The following ALDH5A1 variants were observed in gnomAD, a reference collection of about 807,000 sequenced individuals.
ALDH5A1 encodes aldehyde dehydrogenase 5 family member A1.
ALDH5A1 carries 33 observed loss-of-function variants against 54.7 expected under a neutral mutation model. The observed-to-expected ratio is 0.60, with a 90% confidence interval of 0.46 to 0.81. The LOEUF (loss-of-function observed/expected upper bound fraction) is 0.81. Ranked by LOEUF, ALDH5A1 falls within the 30% of genes least tolerant of loss-of-function variation. The probability of loss-of-function intolerance (pLI) is 0.00; values close to 1 mark genes in which losing one functional copy is unlikely to be tolerated. For synonymous variants in ALDH5A1, 294 were observed against 292.7 expected (o/e 1.00, Z -0.05); for missense variants, 657 against 711.0 (o/e 0.92, Z 0.86).
rs1049734403 is a variant in ALDH5A1 at position 24,506,213 on chromosome 6, T to C, written c.726+1228T>C. ...GAGTTTTTACTTAATTTATTTTATATTATATCTGCACCTCCTTCTTTCCTG... is the reference window on the plus strand; with the variant it reads ...GAGTTTTTACTTAATTTATTTTATACTATATCTGCACCTCCTTCTTTCCTG... On this transcript the variant is annotated intron_variant, in intron 4 of 9. Transcript: ENST00000357578. 4.0e-5 allele frequency among the ~76,000 whole-genome samples: 6 copies of C among 149,840 alleles called. No homozygotes were observed. In the South Asian group the frequency reaches 6.4e-4, roughly 16 times the overall value.
chr6:24,522,731 A>G lies in ALDH5A1; in HGVS notation c.1015-36A>G, dbSNP rs375040398. 15 of 1,612,176 alleles carry G rather than the reference A, an allele frequency of 9.3e-6. No homozygotes were observed. The African/African-American group carries it at 1.9e-4, about 20-fold the overall frequency. On this transcript the variant is annotated intron_variant, in intron 6 of 9. Transcript: ENST00000357578. The stretch of plus-strand genomic sequence containing the variant: ...TCACTGGTCAGGTCTGCAGCTTCTG[A>G]CAGACTGTGTGGGTTTGTTTTTGTC...
chr6:24,519,595 A>G (rs1759635653), intron 5 of ALDH5A1, among the ~76,000 whole-genome samples: 1 of 152,074 alleles, frequency 6.6e-6, no homozygotes, highest in South Asian at 2.1e-4. Context: ...TTCTAGAAAC[A>G]TATGTGCTGA....
At chr6:24,513,521 C>G (rs553594280) in intron 4 of ALDH5A1, among the ~76,000 whole-genome samples, 126 of 152,312 alleles carry the variant, frequency 8.3e-4, no homozygotes, top group African/African-American at 2.8e-3. Flanking sequence ...CCTTGTGTAT[C>G]GTGTTCAAAG....
chr6:24,514,019 T>G (rs937488333), intron 4 of ALDH5A1, among the ~76,000 whole-genome samples: 1 of 152,236 alleles, frequency 6.6e-6, no homozygotes, highest in African/African-American at 2.4e-5. Context: ...ACTCACAAAC[T>G]CATCTTCCCA....
chr6:24,498,055 G>A lies in ALDH5A1; in HGVS notation c.354+2705G>A, dbSNP rs1764747565. On this transcript the variant is annotated intron_variant, in intron 1 of 9. Transcript: ENST00000357578. ...GAAGGTAGAGCCCACTGGATTTTCT[G>A]ATGGATCATTATATAGAAAGTAGGT... 2.0e-5 allele frequency among the ~76,000 whole-genome samples: 3 copies of A among 152,164 alleles called. No homozygotes were observed. The South Asian group carries it at 6.2e-4, about 31-fold the overall frequency.
intron 4 of ALDH5A1, among the ~76,000 whole-genome samples, chr6:24,510,070 A>C (rs999254054): frequency 6.6e-6 from 1 of 152,160 alleles, no homozygotes; most frequent in African/African-American, 2.4e-5. Context: ...CCTAATGATC[A>C]TTCAGGAGCA....
rs758087862 is a variant in ALDH5A1 at position 24,502,565 on chromosome 6, C to T, written c.397C>T (p.Gln133Ter). ...LLRKWYNLMI[Q>*]NKDDLARIIT... is the part of the protein sequence containing the mutation. Reference sequence around the variant, plus strand: ...TCGGAAGTGGTACAATTTAATGATACAAAATAAGGATGACCTTGCCAGAAT... The same window carrying T: ...TCGGAAGTGGTACAATTTAATGATATAAAATAAGGATGACCTTGCCAGAAT... The change falls in exon 2 of 10, where the codon CAA becomes TAA. Residue 133 changes from glutamine (Q) to a stop codon, truncating the protein, a stop_gained. Transcript: ENST00000357578. LOFTEE classifies it high-confidence loss of function. The T allele has an allele frequency of 6.2e-6, 10 of 1,613,704 alleles. No individual in the cohort carries two copies. The highest frequency in any genetic ancestry group is 6.8e-6 in the Non-Finnish European group (8 of 1,179,694).
intron 4 of ALDH5A1, among the ~76,000 whole-genome samples, chr6:24,510,433 C>G (rs1163180584): frequency 2.0e-5 from 3 of 151,902 alleles, no homozygotes; most frequent in East Asian, 3.9e-4. Context: ...GTGTTGCTGT[C>G]TATCTCATTT....
rs927806328 is a variant in ALDH5A1, at chr6:24,533,733, A to C, written c.*21A>C. 7.5e-6 allele frequency: 12 copies of C among 1,609,728 alleles called. No individual in the cohort carries two copies. Among genetic ancestry groups the C allele is most frequent in the Non-Finnish European group, 1.0e-5 (12 of 1,176,620 alleles). On this transcript the variant is annotated 3_prime_UTR_variant, in exon 10 of 10. Transcript: ENST00000357578. Reference sequence around the variant, plus strand: ...TGTAGGATTCTTTGGTTCTTTAAAAAAATTTAAAAGGAGACTTATCTACAT... The same window carrying C: ...TGTAGGATTCTTTGGTTCTTTAAAACAATTTAAAAGGAGACTTATCTACAT...
intron 4 of ALDH5A1, among the ~76,000 whole-genome samples, chr6:24,513,792 T>A (rs919953883): frequency 1.3e-5 from 2 of 150,000 alleles, no homozygotes; most frequent in Admixed American, 6.6e-5. Flanking sequence ...TGTTATTGGG[T>A]ATACCACACG....
intron 6 of ALDH5A1, 143 bp from the exon 7 acceptor site, chr6:24,522,624 C>G (rs754226867): frequency 4.2e-6 from 4 of 944,944 alleles, no homozygotes; most frequent in Non-Finnish European, 6.7e-6. Flanking sequence ...GCCAAGCCCA[C>G]GTGAGGAGGA....
intron 1 of ALDH5A1, among the ~76,000 whole-genome samples, chr6:24,495,903 T>G (rs555179942): frequency 6.6e-6 from 1 of 152,036 alleles, no homozygotes; most frequent in African/African-American, 2.4e-5. Flanking sequence ...GTTCTCCAGG[T>G]TTTCACCCTA....
At chr6:24,498,362 GA>G (rs1414314321) in intron 1 of ALDH5A1, among the ~76,000 whole-genome samples, 1 of 152,164 alleles carries the variant, frequency 6.6e-6, no homozygotes, top group Non-Finnish European at 1.5e-5. Flanking sequence ...GAGATCACAG[GA>G]AAGGAGTGGA....
chr6:24,515,511 G>C (rs894690237), intron 5 of ALDH5A1, among the ~76,000 whole-genome samples: 4 of 152,122 alleles, frequency 2.6e-5, no homozygotes, highest in African/African-American at 9.7e-5. Context: ...GATCACTTGA[G>C]GCCAGGAGTT....
chr6:24,520,633 A>C (rs1332222203), intron 6 of ALDH5A1, 89 bp downstream of exon 6: 1 of 1,458,062 alleles, frequency 6.9e-7, no homozygotes, highest in South Asian at 1.2e-5. Context: ...TGTGCATGTG[A>C]GTGTGTGTGT....
intron 1 of ALDH5A1, among the ~76,000 whole-genome samples, chr6:24,495,960 A>C (rs930930008): frequency 2.0e-5 from 3 of 152,218 alleles, no homozygotes; most frequent in African/African-American, 7.2e-5. Flanking sequence ...ACACTGGAGA[A>C]TTGGGAGTAA....
rs199737070 is a variant in ALDH5A1 at position 24,520,603 on chromosome 6, ATGTG to A, written c.1014+70_1014+73del. The A allele has an allele frequency of 2.1e-4, 328 of 1,583,712 alleles. 1 individual carries two copies. The South Asian group carries it at 2.2e-3, about 10-fold the overall frequency. On this transcript the variant is annotated intron_variant, in intron 6 of 9. Transcript: ENST00000357578. ...TGCGTGTGCATGTGTGAGTGTGTGT[ATGTG>A]TGTGTGTGTGATATGTGTGCATGTG...
At chr6:24,529,207 T>C (rs1278536511) in intron 8 of ALDH5A1, among the ~76,000 whole-genome samples, 1 of 151,792 alleles carries the variant, frequency 6.6e-6, no homozygotes, top group Admixed American at 6.6e-5. Flanking sequence ...AACTCCGTCA[T>C]CCAGGCTGGA....
At chr6:24,516,762 CAA>C (rs1236353184) in intron 5 of ALDH5A1, among the ~76,000 whole-genome samples, 7 of 144,020 alleles carry the variant, frequency 4.9e-5, no homozygotes, top group Non-Finnish European at 1.1e-4. Context: ...CCTGTCTCTA[CAA>C]AAAAAAAAAT....
Sources: gnomAD v4.1 joint callset for allele counts (sites outside exome capture counted in the v4.1 genomes callset) on GRCh38, gnomAD v4.1.1 for gene constraint, MANE v1.5 for transcripts, NCBI Gene and HGNC (gene_info 2026-07-23, HGNC 2026-07-21) for gene names.